Variants in GPR158 observed in about 807,000 individuals in gnomAD.
The protein encoded by GPR158 is metabotropic glycine receptor.
A neutral mutation model predicts 78.2 loss-of-function variants in GPR158; 30 were observed. The observed-to-expected ratio is 0.38, with a 90% CI of 0.29 to 0.52. The LOEUF is 0.52. Ranked by LOEUF, GPR158 falls within the 20% of genes least tolerant of loss-of-function variation. The pLI is 0.83. For synonymous variants in GPR158, 581 were observed against 591.1 expected, an observed-to-expected ratio of 0.98 and a Z score of 0.25; for missense variants, 1,463 against 1,523.5, an observed-to-expected ratio of 0.96 and a Z score of 0.66.
chr10:25,196,614 T>G (rs1485205374), intron 1 of GPR158, among the ~76,000 whole-genome samples: 2 of 152,246 alleles, frequency 1.3e-5, no homozygotes, highest in Admixed American at 1.3e-4. Context: ...GATCTCTGCC[T>G]TGACTATTGG....
At chr10:25,455,822 C>T (rs1485326238) in intron 4 of GPR158, among the ~76,000 whole-genome samples, 1 of 152,080 alleles carries the variant, frequency 6.6e-6, no homozygotes, top group Non-Finnish European at 1.5e-5. Flanking sequence ...AAACTGACAA[C>T]AAAAATGTAA....
intron 5 of GPR158, among the ~76,000 whole-genome samples, chr10:25,521,135 C>T (rs1004047731): frequency 3.9e-5 from 6 of 152,228 alleles, no homozygotes; most frequent in African/African-American, 1.4e-4. Flanking sequence ...TTTCCAGGTG[C>T]ATCCGTCACC....
intron 6 of GPR158, among the ~76,000 whole-genome samples, chr10:25,571,341 G>A (rs1176653090): frequency 6.6e-6 from 1 of 152,154 alleles, no homozygotes; most frequent in Non-Finnish European, 1.5e-5. Context: ...TTAATTTAAT[G>A]GATGTGTTGT....
chr10:25,283,954 G>A (rs1854311944), intron 2 of GPR158, among the ~76,000 whole-genome samples: 1 of 151,944 alleles, frequency 6.6e-6, no homozygotes, highest in African/African-American at 2.4e-5. Context: ...ATCGCTAGTT[G>A]AACTACTGTG....
At chr10:25,224,977 G>A (rs1045847606) in intron 2 of GPR158, among the ~76,000 whole-genome samples, 3 of 151,960 alleles carry the variant, frequency 2.0e-5, no homozygotes, top group African/African-American at 4.8e-5. Flanking sequence ...TATAGATTTT[G>A]GCAACAAAAA....
At chr10:25,292,380 C>G (rs73608259) in intron 2 of GPR158, among the ~76,000 whole-genome samples, 19,258 of 152,010 alleles carry the variant, frequency 0.13, 2,148 homozygotes, top group African/African-American at 0.29. Flanking sequence ...CTCCTTTTCT[C>G]TTAAAAATAA....
intron 2 of GPR158, among the ~76,000 whole-genome samples, chr10:25,268,485 T>C (rs908612780): frequency 6.6e-6 from 1 of 152,134 alleles, no homozygotes; most frequent in Non-Finnish European, 1.5e-5. Context: ...ATATGTGGAA[T>C]TTTATTGTAT....
intron 2 of GPR158, among the ~76,000 whole-genome samples, chr10:25,383,039 G>T (rs529532864): frequency 2.2e-4 from 34 of 152,136 alleles, no homozygotes; most frequent in African/African-American, 7.7e-4. Context: ...CTTTCACTAT[G>T]TTGGCCAGGC....
chr10:25,298,139 C>T (rs1351882115), intron 2 of GPR158, among the ~76,000 whole-genome samples: 1 of 152,142 alleles, frequency 6.6e-6, no homozygotes, highest in African/African-American at 2.4e-5. Context: ...TAGGTTACTT[C>T]CACTTTGAGA....
intron 4 of GPR158, among the ~76,000 whole-genome samples, chr10:25,432,622 G>A (rs977354581): frequency 6.6e-6 from 1 of 152,148 alleles, no homozygotes; most frequent in African/African-American, 2.4e-5. Context: ...TGTTTTTAAT[G>A]TAGTATTTAA....
chr10:25,465,554 A>G (rs186798292), intron 4 of GPR158, among the ~76,000 whole-genome samples: 38 of 152,330 alleles, frequency 2.5e-4, no homozygotes, highest in African/African-American at 8.9e-4. Flanking sequence ...TGAAAATCAA[A>G]TCAACTAATT....
Position 25,597,380 on chromosome 10 carries a change from C to A in GPR158, c.2146-392C>A, listed in dbSNP as rs2130755393. 1.3e-5 allele frequency among the ~76,000 whole-genome samples: 2 copies of A among 152,320 alleles called. 1 individual carries two copies. The highest frequency in any genetic ancestry group is 3.9e-4 in the East Asian group (2 of 5,172). ...TCTGGTCCAGGCTCAGTCTGGTCCT[C>A]ACAACTTGAATGTACAAAGTGCTTG... On this transcript the variant is annotated intron_variant, in intron 10 of 10. Transcript: ENST00000376351.
At chr10:25,426,678 C>T (rs1368828926) in intron 4 of GPR158, among the ~76,000 whole-genome samples, 1 of 151,902 alleles carries the variant, frequency 6.6e-6, no homozygotes, top group Non-Finnish European at 1.5e-5. Flanking sequence ...AGAACAATTA[C>T]AAGAGTAACA....
At chr10:25,438,089 G>C (rs1835022464) in intron 4 of GPR158, among the ~76,000 whole-genome samples, 1 of 152,206 alleles carries the variant, frequency 6.6e-6, no homozygotes, top group Non-Finnish European at 1.5e-5. Context: ...CAGTGATGCT[G>C]ATGAGGCAGA....
At chr10:25,182,747 T>C (rs1001975140) in intron 1 of GPR158, among the ~76,000 whole-genome samples, 3 of 152,228 alleles carry the variant, frequency 2.0e-5, no homozygotes, top group Non-Finnish European at 4.4e-5. Context: ...CATTTTATGA[T>C]TACATTGTAA....
intron 2 of GPR158, among the ~76,000 whole-genome samples, chr10:25,251,925 A>G (rs1287759836): frequency 6.6e-6 from 1 of 151,996 alleles, no homozygotes; most frequent in Non-Finnish European, 1.5e-5. Context: ...ACTTGGTTCC[A>G]TTCTCCCTGT....
At chr10:25,258,445 T>C (rs1588762842) in intron 2 of GPR158, among the ~76,000 whole-genome samples, 1 of 152,226 alleles carries the variant, frequency 6.6e-6, no homozygotes, top group Non-Finnish European at 1.5e-5. Flanking sequence ...TTTTAACTTA[T>C]TCAATTTTCA....
At chr10:25,536,338 G>A (rs1836501005) in intron 5 of GPR158, among the ~76,000 whole-genome samples, 1 of 152,022 alleles carries the variant, frequency 6.6e-6, no homozygotes, top group South Asian at 2.1e-4. Flanking sequence ...TGGTTTTACT[G>A]AAGCTAATTA....
At position 25,176,062 on chromosome 10, in the gene GPR158, C is replaced by T. The variant is rs1378623436; in HGVS notation, c.642C>T (p.Ala214=). 6.2e-7 allele frequency: 1 copy of T among 1,605,486 alleles called. No individual in the cohort carries two copies. The highest frequency in any genetic ancestry group is 1.1e-5 in the South Asian group (1 of 89,826). Residue 214 remains alanine (A), a synonymous_variant, in exon 1 of 11, where the codon GCC becomes GCT. Coordinates refer to ENST00000376351, the MANE Select transcript of GPR158 (RefSeq NM_020752.3). This position sits in a 1 kb window ranked among gnomAD's most constrained non-coding sequence, Gnocchi z 6.3. ...TGTCCTCCTCCGCACCCCACCTGGC[C>T]AACGCCACTCTGGAGACCGAGTGGT... ...QDLSSSAPHL[A]NATLETEWFH... is the part of the protein sequence containing the mutation.
Sources: gnomAD v4.1 joint callset for allele counts (sites outside exome capture counted in the v4.1 genomes callset) on GRCh38, gnomAD v4.1.1 for gene constraint, Gnocchi (gnomAD v3.1) non-coding constraint, MANE v1.5 for transcripts, NCBI Gene and HGNC (gene_info 2026-07-23, HGNC 2026-07-21) for gene names.